Variants in CMPK1 observed in about 807,000 individuals in gnomAD.
CMPK1 encodes cytidine/uridine monophosphate kinase 1, also known as UMP-CMP kinase.
CMPK1 carries 10 observed loss-of-function variants against 25.7 expected under a neutral mutation model. The ratio of observed to expected loss-of-function variants is 0.39; its 90% CI spans 0.24 to 0.66. CMPK1 has a LOEUF of 0.66. CMPK1 is among the 30% of genes least tolerant of loss of function. The pLI, the probability that CMPK1 is intolerant of heterozygous loss-of-function variation, is 0.48. For synonymous variants in CMPK1, 106 were observed against 101.5 expected, an observed-to-expected ratio of 1.04 and a Z score of -0.27; for missense variants, 199 against 280.5, an observed-to-expected ratio of 0.71 and a Z score of 2.08.
chr1:47,344,696 A>G (rs1178988643), intron 1 of CMPK1, among the ~76,000 whole-genome samples: 1 of 151,746 alleles, frequency 6.6e-6, no homozygotes, highest in Non-Finnish European at 1.5e-5. Flanking sequence ...ATGGGGTTTT[A>G]CCATGTTGGC....
chr1:47,355,727 C>T (rs966103359), intron 1 of CMPK1, among the ~76,000 whole-genome samples: 34 of 151,936 alleles, frequency 2.2e-4, no homozygotes, highest in African/African-American at 8.2e-4. Flanking sequence ...ATGCCTCAGC[C>T]CCGCAAGTAG....
intron 1 of CMPK1, among the ~76,000 whole-genome samples, chr1:47,362,734 T>C (rs1033414645): frequency 2.0e-5 from 3 of 152,254 alleles, no homozygotes; most frequent in Non-Finnish European, 4.4e-5. Context: ...CTTCCATACT[T>C]TAATATGTGG....
chr1:47,346,684 A>G (rs1462171817), intron 1 of CMPK1, among the ~76,000 whole-genome samples: 2 of 151,870 alleles, frequency 1.3e-5, no homozygotes, highest in Admixed American at 6.6e-5. Context: ...TTATATTTTT[A>G]GTAGAGACGG....
chr1:47,369,911 T>C (rs111930675), intron 2 of CMPK1, among the ~76,000 whole-genome samples: 1,809 of 18,546 alleles, frequency 0.098, 46 homozygotes, highest in Middle Eastern at 0.25. Flanking sequence ...TTCTCTCTCT[T>C]TTTTTTTTTT....
At chr1:47,346,527 G>A (rs55737131) in intron 1 of CMPK1, among the ~76,000 whole-genome samples, 57,516 of 148,516 alleles carry the variant, frequency 0.39, 13,757 homozygotes, top group Non-Finnish European at 0.51. Context: ...TTTTTGAGTC[G>A]GAGTTTCACT....
At chr1:47,363,929 C>T (rs553228920) in intron 1 of CMPK1, among the ~76,000 whole-genome samples, 9 of 151,820 alleles carry the variant, frequency 5.9e-5, no homozygotes, top group South Asian at 2.1e-4. Context: ...GGTGATCGAC[C>T]GAGATTCCGT....
Position 47,367,288 on chromosome 1 carries a change from GTTTTC to G in CMPK1, c.172-1175_172-1171del, listed in dbSNP as rs1312838688. Among the ~76,000 whole-genome samples the G allele has an allele frequency of 1.1e-4, 16 of 152,296 alleles. No homozygotes were observed. The East Asian group carries it at 1.3e-3, about 13-fold the overall frequency. On this transcript the variant is annotated intron_variant, in intron 1 of 5. Coordinates refer to ENST00000371873, the MANE Select transcript of CMPK1 (RefSeq NM_016308.3). ...ATAGTCAGCAAATAAACTATTTAGAGTTTTCTTTTCATTTGCTGACTACCTTACCG... is the reference window on the plus strand; with the variant it reads ...ATAGTCAGCAAATAAACTATTTAGAGTTTTCATTTGCTGACTACCTTACCG...
chr1:47,358,727 C>G, intron 1 of CMPK1: 1 of 985,048 alleles, frequency 1.0e-6, no homozygotes, highest in Non-Finnish European at 1.2e-6. Context: ...TTGTGTTTCT[C>G]CAAATTTATT....
At chr1:47,375,420 G>A in intron 5 of CMPK1, 127 bp downstream of exon 5, 1 of 629,590 alleles carries the variant, frequency 1.6e-6, no homozygotes, top group Non-Finnish European at 2.6e-6. Flanking sequence ...CTGGAAGCCA[G>A]TCATGGTGGC....
intron 1 of CMPK1, among the ~76,000 whole-genome samples, chr1:47,366,989 G>A (rs1646643450): frequency 1.3e-5 from 2 of 152,110 alleles, no homozygotes; most frequent in Non-Finnish European, 2.9e-5. Flanking sequence ...GCCTCCCAAA[G>A]TGCTGGGATT....
At chr1:47,344,653 C>T (rs143569637) in intron 1 of CMPK1, among the ~76,000 whole-genome samples, 120 of 151,950 alleles carry the variant, frequency 7.9e-4, no homozygotes, top group African/African-American at 2.7e-3. Context: ...CACACACCAC[C>T]ATACCTGGCT....
At chr1:47,347,729 G>A (rs1041767646) in intron 1 of CMPK1, among the ~76,000 whole-genome samples, 12 of 151,828 alleles carry the variant, frequency 7.9e-5, no homozygotes, top group Admixed American at 7.2e-4. Flanking sequence ...AGGTTCAAGC[G>A]AATCTCCTGC....
rs762270300 is a variant in CMPK1 at position 47,368,539 on chromosome 1, A to G, written c.242A>G (p.Tyr81Cys). Residue 81 changes from tyrosine (Y) to cysteine (C), a missense_variant, in exon 2 of 6, where the codon TAT becomes TGT. Tyr to Cys is a radical substitution (Grantham distance 194). Transcript: ENST00000371873. ...GAAAGGAAGAACCCAGATTCACAGT[A>G]TGGTGAACTTATTGAAAAGTACATT... ...RDERKNPDSQ[Y>C]GELIEKYIKE... is the part of the protein sequence containing the mutation. 3 of 1,612,996 alleles carry G rather than the reference A, an allele frequency of 1.9e-6. No individual in the cohort carries two copies. In the Admixed American group the frequency reaches 5.0e-5, roughly 27 times the overall value.
chr1:47,369,654 C>A (rs551978346), intron 2 of CMPK1, among the ~76,000 whole-genome samples: 1 of 150,630 alleles, frequency 6.6e-6, no homozygotes, highest in Non-Finnish European at 1.5e-5. Context: ...CTCTGCCTCC[C>A]GGGTTCAAGA....
rs1202022093 is a variant in CMPK1, at chr1:47,358,189, G to A, written c.172-10280G>A. ...TGCAGTGGTACAGTTATAGCTTACT[G>A]CCGCCTCTAACTCCTGGGGCTCAAG... On this transcript the variant is annotated intron_variant, in intron 1 of 5. Coordinates refer to ENST00000371873, the MANE Select transcript of CMPK1 (RefSeq NM_016308.3). The A allele has an allele frequency of 9.8e-6, 4 of 407,428 alleles. No homozygotes were observed. The East Asian group carries it at 3.2e-4, about 33-fold the overall frequency. The allele number at this position is 407,428 out of a possible 1,614,324, so 25.2% of individuals were successfully genotyped here.
intron 1 of CMPK1, among the ~76,000 whole-genome samples, chr1:47,351,677 T>C (rs532228541): frequency 6.6e-6 from 1 of 152,360 alleles, no homozygotes; most frequent in African/African-American, 2.4e-5. Context: ...CCACAGGAGC[T>C]GCACCATTTT....
At chr1:47,360,884 C>T (rs928044243) in intron 1 of CMPK1, among the ~76,000 whole-genome samples, 2 of 151,914 alleles carry the variant, frequency 1.3e-5, no homozygotes, top group African/African-American at 2.4e-5. Flanking sequence ...GGAGAGAGTC[C>T]CTGGCATAGA....
At chr1:47,367,342 G>A (rs1472082067) in intron 1 of CMPK1, among the ~76,000 whole-genome samples, 1 of 152,138 alleles carries the variant, frequency 6.6e-6, no homozygotes, top group Non-Finnish European at 1.5e-5. Context: ...TAGTAAGCAA[G>A]AACAAATTTA....
At chr1:47,354,802 C>A (rs957752277) in intron 1 of CMPK1, among the ~76,000 whole-genome samples, 1 of 151,994 alleles carries the variant, frequency 6.6e-6, no homozygotes, top group African/African-American at 2.4e-5. Flanking sequence ...TGTCTTTGTG[C>A]ACATGTGCAA....
Sources: allele counts gnomAD v4.1 joint callset (sites outside exome capture counted in the v4.1 genomes callset), GRCh38; gene constraint gnomAD v4.1.1; transcripts MANE v1.5; gene names NCBI Gene and HGNC (gene_info 2026-07-23, HGNC 2026-07-21).